Variants in SV2B observed in about 807,000 individuals in gnomAD.
The protein encoded by SV2B is synaptic vesicle glycoprotein 2B.
In SV2B, 41 loss-of-function variants were observed where a neutral mutation model predicts 73.9. The observed-to-expected ratio is 0.56, with a 90% CI of 0.43 to 0.72. The LOEUF (loss-of-function observed/expected upper bound fraction) is 0.72, where lower values mean the gene tolerates loss of function less well. Ranked by LOEUF, SV2B falls within the 30% of genes least tolerant of loss-of-function variation. The pLI is 0.00. For synonymous variants in SV2B, 314 were observed against 314.2 expected (o/e 1.00, Z 0.01); for missense variants, 764 against 857.8 (o/e 0.89, Z 1.37).
At position 91,229,427 on chromosome 15, in the gene SV2B, C is replaced by G. The variant is rs566876387; in HGVS notation, c.451+2713C>G. Among the ~76,000 whole-genome samples, 1 of 152,270 alleles carries G rather than the reference C, an allele frequency of 6.6e-6. No homozygotes were observed. Among genetic ancestry groups the G allele is most frequent in the East Asian group, 1.9e-4 (1 of 5,182 alleles). On this transcript the variant is annotated intron_variant, in intron 2 of 12. Transcript: ENST00000394232. This position sits in a 1 kb window ranked among gnomAD's most constrained non-coding sequence, Gnocchi z 4.3. Reference sequence around the variant, plus strand: ...TCTCAACAATGATTAGTTCTCGTTACTTTATATTCTGCCATTCTCCCATCG... The same window carrying G: ...TCTCAACAATGATTAGTTCTCGTTAGTTTATATTCTGCCATTCTCCCATCG...
At chr15:91,195,713 C>T (rs2045221822) in intron 1 of SV2B, among the ~76,000 whole-genome samples, 1 of 152,174 alleles carries the variant, frequency 6.6e-6, no homozygotes, top group Admixed American at 6.5e-5. Context: ...TACTTAAACC[C>T]TCTAAGTTCC....
At chr15:91,210,474 GC>G (rs1225827284) in intron 1 of SV2B, among the ~76,000 whole-genome samples, 1 of 152,144 alleles carries the variant, frequency 6.6e-6, no homozygotes, top group Non-Finnish European at 1.5e-5. Context: ...TTCAAGAAAG[GC>G]TAAAGTCAGA....
At chr15:91,153,462 G>A (rs1276211889) in intron 1 of SV2B, among the ~76,000 whole-genome samples, 2 of 152,110 alleles carry the variant, frequency 1.3e-5, no homozygotes, top group African/African-American at 2.4e-5. Flanking sequence ...CAGGCATTTA[G>A]CTTCCCCAAG....
rs1357188137 is a variant in SV2B at position 91,300,057 on chromosome 15, A to T, written c.*7505A>T. On this transcript the variant is annotated 3_prime_UTR_variant, in exon 13 of 13. Coordinates refer to ENST00000394232, the MANE Select transcript of SV2B (RefSeq NM_001323032.3). ...ATATATACACACAAGGTTTGGTTTA[A>T]TATACTTGCTGTGCACTAGTCAGTT... The T allele has an allele frequency of 6.6e-6, 1 of 152,244 alleles. No individual in the cohort carries two copies. Among genetic ancestry groups the T allele is most frequent in the Admixed American group, 6.5e-5 (1 of 15,288 alleles). The allele number at this position is 152,244 out of a possible 1,614,324, so 9.4% of individuals were successfully genotyped here.
chr15:91,207,305 G>C (rs540819855), intron 1 of SV2B, among the ~76,000 whole-genome samples: 2 of 151,844 alleles, frequency 1.3e-5, no homozygotes, highest in South Asian at 4.2e-4. Context: ...TTACAGGTGT[G>C]AGTCACTGTG....
rs2049217555 is a variant in SV2B, at chr15:91,296,211, G to A, written c.*3659G>A. ...ATGCAAGAGGGACATTGGTGAGTGG[G>A]GTAAGAATCCCCGTAGCCCTGGGAA... On this transcript the variant is annotated 3_prime_UTR_variant, in exon 13 of 13. Transcript: ENST00000394232. The A allele has an allele frequency of 6.6e-6, 1 of 152,156 alleles. No individual in the cohort carries two copies. The highest frequency in any genetic ancestry group is 1.5e-5 in the Non-Finnish European group (1 of 68,068). 9.4% of individuals were successfully genotyped at this position (152,156 alleles called of 1,614,324 possible).
chr15:91,111,640 G>T (rs887115512), intron 1 of SV2B, among the ~76,000 whole-genome samples: 3 of 152,180 alleles, frequency 2.0e-5, no homozygotes, highest in Non-Finnish European at 4.4e-5. Context: ...AAAATGCATG[G>T]TTGATTTTGG....
rs76383984 is a variant in SV2B at position 91,248,944 on chromosome 15, T to G, written c.452-2875T>G. On this transcript the variant is annotated intron_variant, in intron 2 of 12. Transcript: ENST00000394232. ...TGGAGACTAGTTCTCAGCAAATCTC[T>G]GGAGCACTCCTCTAAGTCTCTTTTC... Among the ~76,000 whole-genome samples, 1,223 of 152,236 alleles carry G rather than the reference T, an allele frequency of 8.0e-3. 16 individuals carry two copies. The highest frequency in any genetic ancestry group is 0.027 in the African/African-American group (1,105 of 41,532).
chr15:91,253,714 C>T lies in SV2B; in HGVS notation c.784+1194C>T, dbSNP rs2047577034. 6.6e-6 allele frequency among the ~76,000 whole-genome samples: 1 copy of T among 152,192 alleles called. No homozygotes were observed. The highest frequency in any genetic ancestry group is 2.4e-5 in the African/African-American group (1 of 41,460). ...CTCCGGTTTGGGGAAAGAGAATGGG[C>T]AGTTGTAGATTGGCTGAAGGCCAGG... On this transcript the variant is annotated intron_variant, in intron 4 of 12. Coordinates refer to ENST00000394232, the MANE Select transcript of SV2B (RefSeq NM_001323032.3). This position sits in a 1 kb window ranked among gnomAD's most constrained non-coding sequence, Gnocchi z 5.0.
chr15:91,186,813 G>A (rs969976492), intron 1 of SV2B, among the ~76,000 whole-genome samples: 1 of 152,028 alleles, frequency 6.6e-6, no homozygotes, highest in Non-Finnish European at 1.5e-5. Context: ...TCACCACTGT[G>A]CAATATATCC....
rs564557192 is a variant in SV2B at position 91,168,643 on chromosome 15, G to C, written c.-391-57230G>C. On this transcript the variant is annotated intron_variant, in intron 1 of 12. Coordinates refer to ENST00000394232, the MANE Select transcript of SV2B (RefSeq NM_001323032.3). ...GTTCTGGGATGTGAGCCACCCTAGA[G>C]TCTAAGCTGGGAGAATTGAAAAAAA... Among the ~76,000 whole-genome samples the C allele has an allele frequency of 1.8e-4, 27 of 152,070 alleles. No individual in the cohort carries two copies. In the South Asian group the frequency reaches 4.6e-3, roughly 26 times the overall value.
Position 91,141,825 on chromosome 15 carries a change from G to T in SV2B, c.-392+41462G>T, listed in dbSNP as rs1269501346. On this transcript the variant is annotated intron_variant, in intron 1 of 12. Coordinates refer to ENST00000394232, the MANE Select transcript of SV2B (RefSeq NM_001323032.3). The surrounding 1 kb of genome is among the most constrained non-coding windows in gnomAD (Gnocchi z 4.6). ...TATTACAGAAAGTTACATTCAGAGA[G>T]TTAGATGCTGTACCTGAAAGGGTGT... Among the ~76,000 whole-genome samples, 5 of 151,842 alleles carry T rather than the reference G, an allele frequency of 3.3e-5. No individual in the cohort carries two copies.
chr15:91,289,703 C>T lies in SV2B; in HGVS notation c.1868+23C>T. ...GAGGTCAGTTCTTCCCCAGGCTTTCCTCAGGGACTTGTTTGGGCTTCTTTG... is the reference window on the plus strand; with the variant it reads ...GAGGTCAGTTCTTCCCCAGGCTTTCTTCAGGGACTTGTTTGGGCTTCTTTG... On this transcript the variant is annotated intron_variant, in intron 12 of 12. Transcript: ENST00000394232. The surrounding 1 kb of genome is among the most constrained non-coding windows in gnomAD (Gnocchi z 4.9). 1 of 1,605,928 alleles carries T rather than the reference C, an allele frequency of 6.2e-7. No homozygotes were observed.
At position 91,240,935 on chromosome 15, in the gene SV2B, C is replaced by T. The variant is rs2141560900; in HGVS notation, c.452-10884C>T. Among the ~76,000 whole-genome samples the T allele has an allele frequency of 6.6e-6, 1 of 152,294 alleles. No homozygotes were observed. Among genetic ancestry groups the T allele is most frequent in the South Asian group, 2.1e-4 (1 of 4,830 alleles). ...CCCTGGACATTTCCAGGCCATTCTC[C>T]CTCTCTCCTCACTAAAAGATCTCAT... On this transcript the variant is annotated intron_variant, in intron 2 of 12. Transcript: ENST00000394232. The surrounding 1 kb of genome is among the most constrained non-coding windows in gnomAD (Gnocchi z 4.6).
intron 1 of SV2B, among the ~76,000 whole-genome samples, chr15:91,211,954 A>G (rs1394923525): frequency 6.6e-6 from 1 of 152,006 alleles, no homozygotes; most frequent in Non-Finnish European, 1.5e-5. Context: ...CAGTATTTTT[A>G]AACTAGACTT....
In SV2B at chr15:91,268,250, A is replaced by T. The variant is rs1452274645; in HGVS notation, c.1209-191A>T. 6.6e-6 allele frequency among the ~76,000 whole-genome samples: 1 copy of T among 152,260 alleles called. No individual in the cohort carries two copies. Among genetic ancestry groups the T allele is most frequent in the East Asian group, 1.9e-4 (1 of 5,208 alleles). ...CTTTTAAATCAAATGCCTTTTCAGC[A>T]TTTATGGAGGTGGTCATAGTTTTCC... On this transcript the variant is annotated intron_variant, in intron 8 of 12. Coordinates refer to ENST00000394232, the MANE Select transcript of SV2B (RefSeq NM_001323032.3). This position sits in a 1 kb window ranked among gnomAD's most constrained non-coding sequence, Gnocchi z 4.4.
rs1352005237 is a variant in SV2B, at chr15:91,292,986, T to C, written c.*434T>C. The stretch of plus-strand genomic sequence containing the variant: ...AAATCAACTTGGCTGGAAGTTAGAG[T>C]CATTATATGAAGATTGGGCTTGAAG... On this transcript the variant is annotated 3_prime_UTR_variant, in exon 13 of 13. Coordinates refer to ENST00000394232, the MANE Select transcript of SV2B (RefSeq NM_001323032.3). 6.5e-6 allele frequency: 1 copy of C among 154,676 alleles called. No homozygotes were observed. Among genetic ancestry groups the C allele is most frequent in the Non-Finnish European group, 1.4e-5 (1 of 69,892 alleles). The allele number at this position is 154,676 out of a possible 1,614,324, so 9.6% of individuals were successfully genotyped here.
Position 91,232,901 on chromosome 15 carries a change from C to T in SV2B, c.451+6187C>T, listed in dbSNP as rs1480191105. Among the ~76,000 whole-genome samples, 1 of 152,190 alleles carries T rather than the reference C, an allele frequency of 6.6e-6. No individual in the cohort carries two copies. The highest frequency in any genetic ancestry group is 1.5e-5 in the Non-Finnish European group (1 of 68,038). ...AGTCCCCAGTGTCTATTATTCCCATCTGTATGTCACGAATACCCAATATTT... is the reference window on the plus strand; with the variant it reads ...AGTCCCCAGTGTCTATTATTCCCATTTGTATGTCACGAATACCCAATATTT... On this transcript the variant is annotated intron_variant, in intron 2 of 12. Transcript: ENST00000394232. This position sits in a 1 kb window ranked among gnomAD's most constrained non-coding sequence, Gnocchi z 4.7.
rs894251237 is a variant in SV2B, at chr15:91,245,907, A to G, written c.452-5912A>G. ...AATTTAGGAATAATAATATGATGTG[A>G]CAGAGACCATAGAAGATTGGCAAAG... is the stretch of plus-strand genomic sequence containing the variant. On this transcript the variant is annotated intron_variant, in intron 2 of 12. Transcript: ENST00000394232. This position sits in a 1 kb window ranked among gnomAD's most constrained non-coding sequence, Gnocchi z 4.2. Among the ~76,000 whole-genome samples the G allele has an allele frequency of 6.6e-6, 1 of 152,112 alleles. No homozygotes were observed. Among genetic ancestry groups the G allele is most frequent in the African/African-American group, 2.4e-5 (1 of 41,422 alleles).
Sources: gnomAD v4.1 joint callset for allele counts (sites outside exome capture counted in the v4.1 genomes callset) on GRCh38, gnomAD v4.1.1 for gene constraint, Gnocchi (gnomAD v3.1) non-coding constraint, MANE v1.5 for transcripts, NCBI Gene and HGNC (gene_info 2026-07-23, HGNC 2026-07-21) for gene names.